THSD4: variants seen among roughly 807,000 people sequenced by gnomAD.
THSD4 encodes the protein thrombospondin type-1 domain-containing protein 4.
THSD4 carries 69 observed loss-of-function variants against 119.0 expected under a neutral mutation model. The observed-to-expected ratio is 0.58, with a 90% confidence interval of 0.48 to 0.71. The LOEUF (loss-of-function observed/expected upper bound fraction) is 0.71. Ranked by LOEUF, THSD4 falls within the 30% of genes least tolerant of loss-of-function variation. THSD4 has a pLI of 0.00. For synonymous variants in THSD4, 524 were observed against 540.4 expected, an observed-to-expected ratio of 0.97 and a Z score of 0.42; for missense variants, 1,393 against 1,391.1, an observed-to-expected ratio of 1.00 and a Z score of -0.02.
intron 3 of THSD4, among the ~76,000 whole-genome samples, chr15:71,214,484 C>T (rs1050411266): frequency 1.3e-5 from 2 of 152,224 alleles, no homozygotes; most frequent in African/African-American, 4.8e-5. Context: ...CGTGACACCA[C>T]CTTTAAGAGC....
chr15:71,310,763 G>A (rs920235284), intron 6 of THSD4, among the ~76,000 whole-genome samples: 2 of 152,180 alleles, frequency 1.3e-5, no homozygotes, highest in Admixed American at 6.5e-5. Context: ...TTGGCTTTGG[G>A]GAAAAGGGGT....
intron 7 of THSD4, among the ~76,000 whole-genome samples, chr15:71,604,717 A>G (rs190895958): frequency 1.4e-3 from 216 of 152,328 alleles, no homozygotes; most frequent in African/African-American, 4.9e-3. Context: ...GTATCATTCA[A>G]TGTCAGTTAT....
chr15:71,204,853 A>T (rs558606783), intron 3 of THSD4, among the ~76,000 whole-genome samples: 2 of 152,240 alleles, frequency 1.3e-5, no homozygotes, highest in East Asian at 3.9e-4. Context: ...AGAAATTCTG[A>T]GTTGGCCTCA....
At chr15:71,680,585 G>A (rs1288980453) in intron 8 of THSD4, among the ~76,000 whole-genome samples, 1 of 152,190 alleles carries the variant, frequency 6.6e-6, no homozygotes, top group Non-Finnish European at 1.5e-5. Context: ...AATCGTGCAT[G>A]GCTAGGACTC....
rs368445585 is a variant in THSD4, at chr15:71,602,584, A to G, written c.1153-57946A>G. Among the ~76,000 whole-genome samples the G allele has an allele frequency of 3.9e-4, 58 of 147,720 alleles. 2 individuals are homozygous for G. Among genetic ancestry groups the G allele is most frequent in the African/African-American group, 1.2e-3 (50 of 40,474 alleles). ...AAAAAAAAAAAAAAAAAAAAAATGA[A>G]AAAGAAAAACAGTCTCTATCCCCAC... On this transcript the variant is annotated intron_variant, in intron 7 of 17. Coordinates refer to ENST00000261862, the MANE Select transcript of THSD4 (RefSeq NM_024817.3).
chr15:71,310,486 A>G (rs1315641989), intron 6 of THSD4, among the ~76,000 whole-genome samples: 1 of 152,206 alleles, frequency 6.6e-6, no homozygotes, highest in Non-Finnish European at 1.5e-5. Flanking sequence ...AGGTTCAACA[A>G]AGTATGGACA....
intron 1 of THSD4, among the ~76,000 whole-genome samples, chr15:71,105,377 G>C (rs896661059): frequency 3.1e-4 from 47 of 152,340 alleles, no homozygotes; most frequent in African/African-American, 1.1e-3. Flanking sequence ...TTTTGTCCCT[G>C]TAGAATTGGG....
At chr15:71,750,175 C>A (rs2053421548) in intron 14 of THSD4, among the ~76,000 whole-genome samples, 1 of 152,162 alleles carries the variant, frequency 6.6e-6, no homozygotes, top group African/African-American at 2.4e-5. Flanking sequence ...TGAGCCCCCA[C>A]CCCGTCCCCA....
chr15:71,750,147 G>C (rs2053420775), intron 14 of THSD4, among the ~76,000 whole-genome samples: 1 of 152,124 alleles, frequency 6.6e-6, no homozygotes, highest in East Asian at 1.9e-4. Flanking sequence ...TGGATCTTAG[G>C]AGACACGATG....
intron 7 of THSD4, among the ~76,000 whole-genome samples, chr15:71,490,917 C>T (rs1273722721): frequency 6.6e-6 from 1 of 152,176 alleles, no homozygotes; most frequent in African/African-American, 2.4e-5. Context: ...GCAATAGATG[C>T]CAGGTGGCCT....
At chr15:71,429,210 TG>T (rs2046911826) in intron 7 of THSD4, among the ~76,000 whole-genome samples, 1 of 152,180 alleles carries the variant, frequency 6.6e-6, no homozygotes, top group South Asian at 2.1e-4. Flanking sequence ...AGTAGCTCAA[TG>T]GGATACAGAT....
intron 6 of THSD4, among the ~76,000 whole-genome samples, chr15:71,381,018 T>C (rs1008347979): frequency 3.9e-5 from 6 of 152,152 alleles, no homozygotes; most frequent in African/African-American, 1.4e-4. Flanking sequence ...ACCTAAAGTT[T>C]TGATTGTCTT....
At chr15:71,650,605 C>T (rs2051064209) in intron 7 of THSD4, among the ~76,000 whole-genome samples, 1 of 152,160 alleles carries the variant, frequency 6.6e-6, no homozygotes, top group Non-Finnish European at 1.5e-5. Context: ...CAGCAGTGTG[C>T]TCCAGCAAAA....
At chr15:71,294,468 A>T (rs2044835483) in intron 6 of THSD4, among the ~76,000 whole-genome samples, 1 of 152,136 alleles carries the variant, frequency 6.6e-6, no homozygotes, top group South Asian at 2.1e-4. Context: ...GGAGTTCAGG[A>T]TCCACTTAGA....
At chr15:71,312,475 G>C (rs1371306315) in intron 6 of THSD4, among the ~76,000 whole-genome samples, 1 of 152,154 alleles carries the variant, frequency 6.6e-6, no homozygotes, top group Non-Finnish European at 1.5e-5. Flanking sequence ...ATGCACATCT[G>C]TGAGCTGAGG....
chr15:71,490,053 A>G (rs908201404), intron 7 of THSD4, among the ~76,000 whole-genome samples: 1 of 152,088 alleles, frequency 6.6e-6, no homozygotes, highest in Non-Finnish European at 1.5e-5. Flanking sequence ...GCATTTTCCC[A>G]TTTCACTAAA....
At position 71,747,009 on chromosome 15, in the gene THSD4, C is replaced by A. The variant is rs1291308091; in HGVS notation, c.2208C>A (p.Cys736Ter). 6.2e-7 allele frequency: 1 copy of A among 1,612,308 alleles called. No homozygotes were observed. The change falls in exon 13 of 18, where the codon TGC becomes TGA. Residue 736 changes from cysteine to a stop codon, truncating the protein, a stop_gained. Coordinates refer to ENST00000261862, the MANE Select transcript of THSD4 (RefSeq NM_024817.3). LOFTEE classifies it high-confidence loss of function. ...ETTSTCQLKICSEWQIRTDWT... is the reference protein window; with the variant it reads ...ETTSTCQLKI ...CCAGCACCTGCCAACTCAAGATCTGCAGCGAGTGGCAGATCCGGACCGACT... is the reference window on the plus strand; with the variant it reads ...CCAGCACCTGCCAACTCAAGATCTGAAGCGAGTGGCAGATCCGGACCGACT...
At chr15:71,735,101 C>G (rs1277875077) in intron 10 of THSD4, among the ~76,000 whole-genome samples, 1 of 152,158 alleles carries the variant, frequency 6.6e-6, no homozygotes, top group African/African-American at 2.4e-5. Context: ...CACACAGACA[C>G]ACACACACAC....
intron 7 of THSD4, among the ~76,000 whole-genome samples, chr15:71,489,523 T>A (rs532550072): frequency 6.6e-6 from 1 of 152,300 alleles, no homozygotes; most frequent in South Asian, 2.1e-4. Context: ...CCTTAGTCCC[T>A]CAGAGGTGCC....
Sources: gnomAD v4.1 joint callset for allele counts (sites outside exome capture counted in the v4.1 genomes callset) on GRCh38, gnomAD v4.1.1 for gene constraint, MANE v1.5 for transcripts, NCBI Gene and HGNC (gene_info 2026-07-23, HGNC 2026-07-21) for gene names.